The following LAMA2 variants were observed in gnomAD, a reference collection of about 807,000 sequenced individuals.
The protein encoded by LAMA2 is laminin subunit alpha-2.
LAMA2 carries 269 observed loss-of-function variants against 364.8 expected under a neutral mutation model. The observed-to-expected ratio is 0.74, with a 90% confidence interval of 0.67 to 0.82. The LOEUF (loss-of-function observed/expected upper bound fraction) is 0.82. LAMA2 is among the 40% of genes least tolerant of loss of function. The probability of loss-of-function intolerance (pLI) is 0.00; values close to 1 mark genes in which losing one functional copy is unlikely to be tolerated. For missense variants in LAMA2, 3,807 were observed against 3,873.2 expected, an observed-to-expected ratio of 0.98 and a Z score of 0.45; for synonymous variants, 1,379 against 1,370.6, an observed-to-expected ratio of 1.01 and a Z score of -0.14.
At chr6:129,220,567 A>T (rs910749787) in intron 12 of LAMA2, among the ~76,000 whole-genome samples, 3 of 152,240 alleles carry the variant, frequency 2.0e-5, no homozygotes, top group Non-Finnish European at 4.4e-5. Flanking sequence ...ATAGCTAGAA[A>T]ATATAATTAT....
In LAMA2 at chr6:129,222,212, G is replaced by A. The variant is rs529412293; in HGVS notation, c.1783-27900G>A. 3.3e-5 allele frequency among the ~76,000 whole-genome samples: 5 copies of A among 152,094 alleles called. No homozygotes were observed. The South Asian group carries it at 1.0e-3, about 32-fold the overall frequency. On this transcript the variant is annotated intron_variant, in intron 12 of 64. Coordinates refer to ENST00000421865, the MANE Select transcript of LAMA2 (RefSeq NM_000426.4). ...AATGGGTAAATGAAAAAATAAAATA[G>A]AGTCACGATTAGACCAATGATGATA... is the stretch of plus-strand genomic sequence containing the variant.
At chr6:129,306,715 A>T (rs1773901972) in intron 22 of LAMA2, among the ~76,000 whole-genome samples, 2 of 151,846 alleles carry the variant, frequency 1.3e-5, no homozygotes, top group African/African-American at 4.8e-5. Flanking sequence ...AAAGTCACTG[A>T]TTTTTTAATG....
intron 61 of LAMA2, among the ~76,000 whole-genome samples, chr6:129,506,372 TAAATAA>T (rs1047205223): frequency 2.0e-5 from 3 of 151,392 alleles, no homozygotes; most frequent in Admixed American, 6.6e-5. Context: ...AATAAATAAA[TAAATAA>T]AAATAAAAAT....
chr6:129,305,410 C>T (rs1459191970), intron 22 of LAMA2, among the ~76,000 whole-genome samples: 6 of 151,890 alleles, frequency 4.0e-5, no homozygotes, highest in African/African-American at 1.5e-4. Flanking sequence ...CTGCACCCTC[C>T]ACCTTCTGGG....
chr6:129,312,518 A>C (rs1315258646), intron 22 of LAMA2, among the ~76,000 whole-genome samples: 4 of 152,332 alleles, frequency 2.6e-5, no homozygotes, highest in East Asian at 3.9e-4. Context: ...TGAGATAATA[A>C]GGTAAAATAA....
chr6:129,444,662 T>C (rs1252027302), intron 44 of LAMA2, among the ~76,000 whole-genome samples: 3 of 152,160 alleles, frequency 2.0e-5, no homozygotes, highest in Admixed American at 1.3e-4. Context: ...AAATGATAAT[T>C]TACTTCCCTT....
At position 129,516,221 on chromosome 6, in the gene LAMA2, T is replaced by C. The variant is rs1787061147; in HGVS notation, c.9243T>C (p.Ser3081=). The change falls in exon 65 of 65, where the codon AGT becomes AGC. Residue 3081 remains serine, a synonymous_variant. Transcript: ENST00000421865. Reference sequence around the variant, plus strand: ...TCAAGCAGTTTGGCCTAACAACCAGTATTCCGTTCCGAGGTTGCATCAGAT... The same window carrying C: ...TCAAGCAGTTTGGCCTAACAACCAGCATTCCGTTCCGAGGTTGCATCAGAT... ...DDLKQFGLTT[S]IPFRGCIRSL... 6.2e-7 allele frequency: 1 copy of C among 1,614,100 alleles called. No individual in the cohort carries two copies. The highest frequency in any genetic ancestry group is 8.5e-7 in the Non-Finnish European group (1 of 1,179,998).
rs181148823 is a variant in LAMA2 at position 129,217,056 on chromosome 6, G to A, written c.1782+24203G>A. ...ATACAAAAATTACCTGGGTATGGTGGCGTGTGCCTGTAATCCCAGCTACTT... is the reference window on the plus strand; with the variant it reads ...ATACAAAAATTACCTGGGTATGGTGACGTGTGCCTGTAATCCCAGCTACTT... On this transcript the variant is annotated intron_variant, in intron 12 of 64. Transcript: ENST00000421865. Among the ~76,000 whole-genome samples, 804 of 152,180 alleles carry A rather than the reference G, an allele frequency of 5.3e-3. 4 individuals are homozygous for A. Among genetic ancestry groups the A allele is most frequent in the African/African-American group, 0.016 (683 of 41,510 alleles).
intron 9 of LAMA2, among the ~76,000 whole-genome samples, chr6:129,167,110 C>A (rs1206896780): frequency 6.6e-6 from 1 of 151,888 alleles, no homozygotes; most frequent in Non-Finnish European, 1.5e-5. Flanking sequence ...CCTATTTATC[C>A]CAGTCTTACT....
At chr6:129,486,338 C>T (rs6569604) in intron 55 of LAMA2, 136 bp from the exon 56 acceptor site, 15 of 826,432 alleles carry the variant, frequency 1.8e-5, no homozygotes, top group Non-Finnish European at 3.0e-5. Flanking sequence ...TTTTCAAAAC[C>T]GTTTGAGAAA....
chr6:129,263,619 A>C (rs1434882721), intron 15 of LAMA2, among the ~76,000 whole-genome samples: 1 of 150,974 alleles, frequency 6.6e-6, no homozygotes, highest in African/African-American at 2.5e-5. Context: ...AAGCAAGGCC[A>C]TGAGGAGATT....
intron 33 of LAMA2, among the ~76,000 whole-genome samples, chr6:129,368,974 G>A (rs1212770517): frequency 2.0e-5 from 3 of 152,154 alleles, no homozygotes; most frequent in African/African-American, 7.2e-5. Flanking sequence ...AACACCATGG[G>A]GGAATTGTGG....
chr6:128,991,642 C>G (rs1377980252), intron 1 of LAMA2, among the ~76,000 whole-genome samples: 3 of 152,138 alleles, frequency 2.0e-5, no homozygotes, highest in Non-Finnish European at 4.4e-5. Context: ...TAGTGGCTAA[C>G]TTCTTTAGGA....
Position 128,907,683 on chromosome 6 carries a change from T to C in LAMA2, c.112+24326T>C, listed in dbSNP as rs1197732535. Among the ~76,000 whole-genome samples, 451 of 152,036 alleles carry C rather than the reference T, an allele frequency of 3.0e-3. 1 individual carries two copies. The highest frequency in any genetic ancestry group is 0.01 in the African/African-American group (424 of 41,404). On this transcript the variant is annotated intron_variant, in intron 1 of 64. Transcript: ENST00000421865. ...CTTCCAACACTATATTGAATAGGAGTGGTGAGAGAGGGCATCCCTGTCTTG... is the reference window on the plus strand; with the variant it reads ...CTTCCAACACTATATTGAATAGGAGCGGTGAGAGAGGGCATCCCTGTCTTG...
chr6:129,326,742 TTA>T (rs1295751095), intron 28 of LAMA2, among the ~76,000 whole-genome samples: 6 of 144,748 alleles, frequency 4.1e-5, no homozygotes, highest in South Asian at 2.1e-4. Flanking sequence ...ATTTTATATA[TTA>T]TATATATAAT....
intron 1 of LAMA2, among the ~76,000 whole-genome samples, chr6:129,029,118 A>G (rs946338674): frequency 3.3e-5 from 5 of 151,622 alleles, no homozygotes; most frequent in African/African-American, 9.7e-5. Context: ...TGTTAGAAAC[A>G]AGTAAGAAGT....
chr6:129,499,905 T>G (rs549787425), intron 58 of LAMA2, among the ~76,000 whole-genome samples: 11 of 152,058 alleles, frequency 7.2e-5, no homozygotes, highest in East Asian at 1.9e-4. Context: ...TTTTAATTTT[T>G]TTGTTGTTGT....
intron 1 of LAMA2, among the ~76,000 whole-genome samples, chr6:128,978,416 C>T (rs1489038535): frequency 6.7e-6 from 1 of 149,722 alleles, no homozygotes; most frequent in Admixed American, 6.6e-5. Flanking sequence ...CTCCCGGGTT[C>T]AAGCGATTCA....
At chr6:128,907,720 A>G (rs945381697) in intron 1 of LAMA2, among the ~76,000 whole-genome samples, 16 of 152,160 alleles carry the variant, frequency 1.1e-4, no homozygotes, top group African/African-American at 2.9e-4. Context: ...GCCAGTTTTC[A>G]AAGGGAATGC....
Sources: allele counts gnomAD v4.1 joint callset (sites outside exome capture counted in the v4.1 genomes callset), GRCh38; gene constraint gnomAD v4.1.1; transcripts MANE v1.5; gene names NCBI Gene and HGNC (gene_info 2026-07-23, HGNC 2026-07-21).